Variants in PALM2AKAP2 observed in about 807,000 individuals in gnomAD.
The protein encoded by PALM2AKAP2 is PALM2-AKAP2 fusion protein.
PALM2AKAP2 carries 37 observed loss-of-function variants against 71.5 expected under a neutral mutation model. That is an observed-to-expected ratio of 0.52 (90% CI 0.40 to 0.68). PALM2AKAP2 has a LOEUF of 0.68. Among genes scored for constraint, PALM2AKAP2 ranks in the 30% least tolerant of loss-of-function variants. The pLI is 0.00. For synonymous variants in PALM2AKAP2, 468 were observed against 478.8 expected (o/e 0.98, Z 0.29); for missense variants, 1,224 against 1,191.8 (o/e 1.03, Z -0.40).
intron 3 of PALM2AKAP2, among the ~76,000 whole-genome samples, chr9:109,890,939 G>C (rs1830075348): frequency 6.6e-6 from 1 of 152,184 alleles, no homozygotes; most frequent in Admixed American, 6.5e-5. Flanking sequence ...TCTTGTGTTT[G>C]TTCCTCCTAT....
At chr9:109,646,926 A>C (rs7863611) in intron 1 of PALM2AKAP2, among the ~76,000 whole-genome samples, 164 of 152,340 alleles carry the variant, frequency 1.1e-3, no homozygotes, top group African/African-American at 3.9e-3. Flanking sequence ...GACTTTTAGA[A>C]GTTAATTTCT....
At chr9:109,899,582 G>A (rs961670770) in intron 3 of PALM2AKAP2, among the ~76,000 whole-genome samples, 2 of 152,164 alleles carry the variant, frequency 1.3e-5, no homozygotes, top group African/African-American at 4.8e-5. Context: ...TGGACTATAA[G>A]ATAAAGTTCA....
chr9:109,749,307 C>G (rs1474443097), intron 1 of PALM2AKAP2, among the ~76,000 whole-genome samples: 1 of 152,082 alleles, frequency 6.6e-6, no homozygotes, highest in African/African-American at 2.4e-5. Context: ...TGAAATTAGT[C>G]ACGCGCCCCA....
At chr9:109,885,947 G>A (rs184559447) in intron 3 of PALM2AKAP2, among the ~76,000 whole-genome samples, 11 of 152,334 alleles carry the variant, frequency 7.2e-5, no homozygotes, top group African/African-American at 2.2e-4. Context: ...CAAAGCAGCT[G>A]CAAAGGAAGA....
intron 1 of PALM2AKAP2, among the ~76,000 whole-genome samples, chr9:109,821,781 TC>T (rs957768950): frequency 2.0e-5 from 3 of 151,822 alleles, no homozygotes; most frequent in Non-Finnish European, 4.4e-5. Context: ...CCTCCTCATC[TC>T]CCCCCTGGAC....
chr9:109,923,755 C>T lies in PALM2AKAP2; in HGVS notation c.278C>T (p.Thr93Met), dbSNP rs113397356. The change falls in exon 4 of 10, where the codon ACG (threonine) becomes ATG (methionine). Residue 93 changes from threonine to methionine, a missense_variant. Transcript: ENST00000302798. ...TCCAGGCTGGAGCAAGAAATACAAACGCTAGAAAGTGAAGAGTCCCAGATA... is the reference window on the plus strand; with the variant it reads ...TCCAGGCTGGAGCAAGAAATACAAATGCTAGAAAGTGAAGAGTCCCAGATA... The T allele has an allele frequency of 3.9e-4, 622 of 1,599,034 alleles. 3 individuals carry two copies. In the African/African-American group the frequency reaches 7.2e-3, roughly 19 times the overall value.
At chr9:109,689,779 G>C (rs997882832) in intron 1 of PALM2AKAP2, among the ~76,000 whole-genome samples, 2 of 152,172 alleles carry the variant, frequency 1.3e-5, no homozygotes, top group Admixed American at 6.5e-5. Flanking sequence ...CCCTGCTGTG[G>C]GGACAGAGCC....
chr9:109,770,915 A>G (rs1036938110), intron 1 of PALM2AKAP2, among the ~76,000 whole-genome samples: 2 of 152,258 alleles, frequency 1.3e-5, no homozygotes, highest in African/African-American at 4.8e-5. Context: ...ATCTTATGAA[A>G]TGAATACTAT....
At chr9:110,016,394 G>A (rs149617564) in intron 7 of PALM2AKAP2, among the ~76,000 whole-genome samples, 1 of 152,282 alleles carries the variant, frequency 6.6e-6, no homozygotes, top group East Asian at 1.9e-4. Flanking sequence ...GGGCACAGTG[G>A]AGCAAATCTG....
intron 6 of PALM2AKAP2, among the ~76,000 whole-genome samples, chr9:110,007,969 C>T (rs1832815563): frequency 6.6e-6 from 1 of 152,218 alleles, no homozygotes; most frequent in African/African-American, 2.4e-5. Flanking sequence ...TCTAAGCATG[C>T]ATTCCTTCCT....
At chr9:109,838,692 G>T (rs111688048) in intron 1 of PALM2AKAP2, among the ~76,000 whole-genome samples, 23,196 of 152,068 alleles carry the variant, frequency 0.15, 2,289 homozygotes, top group Admixed American at 0.24. Flanking sequence ...TGATAAAGGG[G>T]ATGTCACCAC....
At chr9:109,729,827 A>G (rs1828528465) in intron 1 of PALM2AKAP2, among the ~76,000 whole-genome samples, 3 of 152,230 alleles carry the variant, frequency 2.0e-5, no homozygotes, top group Non-Finnish European at 4.4e-5. Context: ...TTTGTCTCCT[A>G]CAGAAAGGAA....
chr9:109,830,045 A>C (rs954583080), intron 1 of PALM2AKAP2, among the ~76,000 whole-genome samples: 4 of 152,184 alleles, frequency 2.6e-5, no homozygotes, highest in Admixed American at 2.6e-4. Context: ...TTATGATTTT[A>C]GTCTTTCAAG....
intron 1 of PALM2AKAP2, among the ~76,000 whole-genome samples, chr9:110,133,027 T>G (rs761916264): frequency 6.6e-6 from 1 of 152,194 alleles, no homozygotes; most frequent in Non-Finnish European, 1.5e-5. Flanking sequence ...TTCAAACAAT[T>G]GCAAAAGTAT....
intron 1 of PALM2AKAP2, among the ~76,000 whole-genome samples, chr9:109,774,768 A>G (rs1443197476): frequency 5.3e-5 from 8 of 152,182 alleles, no homozygotes; most frequent in Admixed American, 3.3e-4. Flanking sequence ...AGTGATCAAG[A>G]TTACCATTTC....
intron 5 of PALM2AKAP2, among the ~76,000 whole-genome samples, chr9:109,928,431 T>C (rs1831005646): frequency 6.6e-6 from 1 of 152,160 alleles, no homozygotes; most frequent in South Asian, 2.1e-4. Context: ...TCTCTGTCAG[T>C]GGGGAGAATA....
At chr9:109,855,213 C>T (rs1056415920) in intron 1 of PALM2AKAP2, among the ~76,000 whole-genome samples, 2 of 152,126 alleles carry the variant, frequency 1.3e-5, no homozygotes, top group African/African-American at 4.8e-5. Flanking sequence ...GTTGGGATTA[C>T]AGGCATGTGC....
chr9:109,879,621 C>T (rs1473917532), intron 2 of PALM2AKAP2, among the ~76,000 whole-genome samples: 1 of 152,178 alleles, frequency 6.6e-6, no homozygotes, highest in Non-Finnish European at 1.5e-5. Context: ...ATTGCTGCCT[C>T]CGAACCATTG....
chr9:109,848,318 C>T (rs533688410), intron 1 of PALM2AKAP2, among the ~76,000 whole-genome samples: 2 of 152,370 alleles, frequency 1.3e-5, no homozygotes, highest in Admixed American at 1.3e-4. Context: ...GACTCGAACC[C>T]AGTCCTCCTG....
Sources: gnomAD v4.1 joint callset for allele counts (sites outside exome capture counted in the v4.1 genomes callset) on GRCh38, gnomAD v4.1.1 for gene constraint, MANE v1.5 for transcripts, NCBI Gene and HGNC (gene_info 2026-07-23, HGNC 2026-07-21) for gene names.